UIMC1: variants seen among roughly 807,000 people sequenced by gnomAD.
The protein encoded by UIMC1 is ubiquitin interaction motif containing 1.
Under a neutral mutation model 84.9 loss-of-function variants are expected in UIMC1, and 42 were observed. That is an observed-to-expected ratio of 0.49 (90% CI 0.39 to 0.64). UIMC1 has a LOEUF of 0.64. Ranked by LOEUF, UIMC1 falls within the 30% of genes least tolerant of loss-of-function variation. The pLI, the probability that UIMC1 is intolerant of heterozygous loss-of-function variation, is 0.00. For missense variants in UIMC1, 825 were observed against 847.6 expected (o/e 0.97, Z 0.33); for synonymous variants, 281 against 293.0 (o/e 0.96, Z 0.42).
upstream of UIMC1, among the ~76,000 whole-genome samples, chr5:177,009,784 C>T (rs2149553217): frequency 6.6e-6 from 1 of 151,994 alleles, no homozygotes; most frequent in Admixed American, 6.6e-5. This position sits in a 1 kb window ranked among gnomAD's most constrained non-coding sequence, Gnocchi z 4.3. Flanking sequence ...CCTATAATCC[C>T]AGCATTTTGG....
At chr5:176,959,109 T>G (rs1273675686) in intron 6 of UIMC1, among the ~76,000 whole-genome samples, 1 of 152,256 alleles carries the variant, frequency 6.6e-6, no homozygotes, top group African/African-American at 2.4e-5. Context: ...AAAGGAAAGT[T>G]GTACAATAAT....
chr5:176,998,543 G>A (rs563233627), intron 1 of UIMC1, among the ~76,000 whole-genome samples: 7 of 149,472 alleles, frequency 4.7e-5, no homozygotes, highest in East Asian at 4.0e-4. Flanking sequence ...CAAGGCGGGC[G>A]GATCACCTAA....
At chr5:176,964,024 T>C (rs1240193154) in intron 6 of UIMC1, among the ~76,000 whole-genome samples, 1 of 152,190 alleles carries the variant, frequency 6.6e-6, no homozygotes, top group African/African-American at 2.4e-5. Flanking sequence ...CCAGTTATCA[T>C]CTGATTCTAA....
At chr5:176,923,878 T>A (rs1384990696) in intron 10 of UIMC1, among the ~76,000 whole-genome samples, 5 of 139,486 alleles carry the variant, frequency 3.6e-5, no homozygotes, top group African/African-American at 1.4e-4. Context: ...AAAAAAAATA[T>A]ATATATATAT....
intron 9 of UIMC1, among the ~76,000 whole-genome samples, chr5:176,948,813 A>G (rs1034924020): frequency 3.9e-5 from 6 of 152,204 alleles, no homozygotes; most frequent in East Asian, 1.9e-4. Flanking sequence ...GTACTACACC[A>G]TATCACCTTC....
intron 10 of UIMC1, among the ~76,000 whole-genome samples, chr5:176,941,602 A>G (rs1764446754): frequency 6.6e-6 from 1 of 152,192 alleles, no homozygotes; most frequent in Non-Finnish European, 1.5e-5. Context: ...TAATTATACA[A>G]TGTCACATTT....
chr5:176,960,169 G>T (rs147266727), intron 6 of UIMC1, among the ~76,000 whole-genome samples: 3 of 152,096 alleles, frequency 2.0e-5, no homozygotes, highest in Admixed American at 6.5e-5. Flanking sequence ...GTGAAACTTC[G>T]AGAGGTTAAA....
At chr5:176,947,471 A>G (rs1417421515) in intron 9 of UIMC1, among the ~76,000 whole-genome samples, 2 of 152,114 alleles carry the variant, frequency 1.3e-5, no homozygotes, top group Non-Finnish European at 2.9e-5. Context: ...CATTAGGTGT[A>G]TCTCCTAATG....
At chr5:176,973,701 C>T (rs1047264713) in intron 3 of UIMC1, among the ~76,000 whole-genome samples, 8 of 152,092 alleles carry the variant, frequency 5.3e-5, no homozygotes, top group East Asian at 1.9e-4. Flanking sequence ...CCCAGCAGTT[C>T]GAGACCAGCC....
intron 10 of UIMC1, among the ~76,000 whole-genome samples, chr5:176,931,459 T>TG (rs1296018777): frequency 6.6e-6 from 1 of 152,052 alleles, no homozygotes; most frequent in Non-Finnish European, 1.5e-5. Flanking sequence ...AATCCTGAGG[T>TG]GGGGGGCTCC....
intron 10 of UIMC1, among the ~76,000 whole-genome samples, chr5:176,916,417 T>C (rs1210160654): frequency 6.6e-6 from 1 of 152,206 alleles, no homozygotes; most frequent in Admixed American, 6.5e-5. Flanking sequence ...CTTGGCACTG[T>C]TAAGATACAA....
intron 10 of UIMC1, among the ~76,000 whole-genome samples, chr5:176,933,618 C>T (rs1425405883): frequency 6.6e-6 from 1 of 151,890 alleles, no homozygotes; most frequent in African/African-American, 2.4e-5. Flanking sequence ...CTCACTGTAG[C>T]CTCCAACTCC....
intron 10 of UIMC1, among the ~76,000 whole-genome samples, chr5:176,934,414 G>A (rs914669066): frequency 1.3e-5 from 2 of 152,068 alleles, no homozygotes; most frequent in African/African-American, 2.4e-5. Context: ...CGTTTTCTCC[G>A]TCTTCCTGCC....
intron 1 of UIMC1, among the ~76,000 whole-genome samples, chr5:176,999,912 T>C (rs1000594600): frequency 3.3e-5 from 5 of 152,230 alleles, no homozygotes; most frequent in Admixed American, 3.3e-4. Flanking sequence ...TTTGGATACA[T>C]ACCCAGCAGT....
Position 176,925,756 on chromosome 5 carries a change from CTT to C in UIMC1, c.1598-14369_1598-14368del, listed in dbSNP as rs1283364634. ...TTTACAGAAATAAAACAGTGGTTGC[CTT>C]TAGGGGGAGGGGTGAAGAAGAGATA... On this transcript the variant is annotated intron_variant, in intron 10 of 14. Transcript: ENST00000511320. Among the ~76,000 whole-genome samples, 10 of 152,128 alleles carry C rather than the reference CTT, an allele frequency of 6.6e-5. No individual in the cohort carries two copies. The East Asian group carries it at 1.9e-3, about 29-fold the overall frequency.
At chr5:176,939,129 T>C (rs868412148) in intron 10 of UIMC1, among the ~76,000 whole-genome samples, 1 of 151,466 alleles carries the variant, frequency 6.6e-6, no homozygotes. Context: ...GGGTGGTGTG[T>C]GCCCATAGTC....
intron 1 of UIMC1, among the ~76,000 whole-genome samples, chr5:176,997,739 T>G (rs1327806691): frequency 2.0e-5 from 3 of 151,784 alleles, no homozygotes; most frequent in Admixed American, 2.0e-4. Context: ...TTTTTATAGT[T>G]AGGACATTTT....
intron 9 of UIMC1, among the ~76,000 whole-genome samples, chr5:176,944,186 A>T (rs186726299): frequency 6.6e-6 from 1 of 152,370 alleles, no homozygotes; most frequent in Non-Finnish European, 1.5e-5. Flanking sequence ...ACTTAGACCC[A>T]TAAGACCTAA....
At chr5:176,992,571 A>G (rs1773038639) in intron 1 of UIMC1, among the ~76,000 whole-genome samples, 2 of 152,102 alleles carry the variant, frequency 1.3e-5, no homozygotes, top group Admixed American at 1.3e-4. Flanking sequence ...TGCTCTTTAA[A>G]AAAAGACCAT....
Sources: allele counts gnomAD v4.1 joint callset (sites outside exome capture counted in the v4.1 genomes callset), GRCh38; gene constraint gnomAD v4.1.1; non-coding constraint Gnocchi (gnomAD v3.1); transcripts MANE v1.5; gene names NCBI Gene and HGNC (gene_info 2026-07-23, HGNC 2026-07-21).